Variants in EXOG observed in about 807,000 individuals in gnomAD.
EXOG encodes the protein nuclease EXOG, mitochondrial.
A neutral mutation model predicts 25.8 loss-of-function variants in EXOG; 27 were observed. The observed-to-expected ratio is 1.05, with a 90% confidence interval of 0.77 to 1.45. The LOEUF is 1.45. Among genes scored for constraint, EXOG ranks in the 40% most tolerant of loss-of-function variants. The pLI is 0.00. For missense variants in EXOG, 458 were observed against 450.5 expected (o/e 1.02, Z -0.15); for synonymous variants, 133 against 167.0 (o/e 0.80, Z 1.57).
At chr3:38,522,360 G>A (rs1490905501) in intron 5 of EXOG, among the ~76,000 whole-genome samples, 1 of 152,202 alleles carries the variant, frequency 6.6e-6, no homozygotes, top group Non-Finnish European at 1.5e-5. Flanking sequence ...TGTCTGATCA[G>A]GAAAGAAAAC....
chr3:38,498,307 TA>T (rs1185984979), intron 2 of EXOG, among the ~76,000 whole-genome samples: 1 of 152,194 alleles, frequency 6.6e-6, no homozygotes, highest in Non-Finnish European at 1.5e-5. Flanking sequence ...CTCACACCTG[TA>T]ATCCCAGTAC....
At position 38,524,530 on chromosome 3, in the gene EXOG, A is replaced by G. The variant is rs1055037238; in HGVS notation, c.*168A>G. ...GAGTGCAGTGGTGGAATCATAGCTC[A>G]CTATAGCCTCAAACTTCTGGGCTTA... On this transcript the variant is annotated 3_prime_UTR_variant, in exon 6 of 6. Coordinates refer to ENST00000287675, the MANE Select transcript of EXOG (RefSeq NM_005107.4). The G allele has an allele frequency of 3.8e-6, 5 of 1,317,036 alleles. No individual in the cohort carries two copies. The African/African-American group carries it at 7.5e-5, about 20-fold the overall frequency. The allele number at this position is 1,317,036 out of a possible 1,614,324, so 81.6% of individuals were successfully genotyped here. A position where few individuals can be genotyped will look rare whatever the true frequency, so the allele number is the denominator to read the frequency against.
At chr3:38,498,082 G>A (rs1328742398) in intron 2 of EXOG, 9 of 289,218 alleles carry the variant, frequency 3.1e-5, no homozygotes, top group Non-Finnish European at 5.8e-5. Context: ...TGCCTGCTAT[G>A]TGTCTGGCAC....
chr3:38,514,057 G>A (rs891682650), intron 5 of EXOG, among the ~76,000 whole-genome samples: 1 of 152,228 alleles, frequency 6.6e-6, no homozygotes, highest in African/African-American at 2.4e-5. Context: ...TCAAGGAGCA[G>A]TGCTCTGCTC....
intron 1 of EXOG, chr3:38,497,403 A>G: frequency 7.8e-7 from 1 of 1,285,572 alleles, no homozygotes; most frequent in Non-Finnish European, 9.8e-7. Context: ...GCTGCATTTT[A>G]TTCACTGATT....
In EXOG at chr3:38,497,626, T is replaced by TTTTTTTTTTTTTTTTTTTTTTG; in HGVS notation, c.164-3_164-2insTTTTTTTTTTTTTTTTTTTTTG. 1 of 1,561,660 alleles carries TTTTTTTTTTTTTTTTTTTTTTG rather than the reference T, an allele frequency of 6.4e-7. No individual in the cohort carries two copies. The highest frequency in any genetic ancestry group is 1.7e-4 in the Middle Eastern group (1 of 5,772). On this transcript the variant is annotated splice_region_variant and splice_polypyrimidine_tract_variant and intron_variant, in intron 1 of 5. Transcript: ENST00000287675. ...CCCCTTTTTTTTTTTTTTTCATTTT[T>TTTTTTTTTTTTTTTTTTTTTTG]AGGATCTGCAGAAAAGGCTGTCTTG...
rs2059895686 is a variant in EXOG, at chr3:38,496,588, C to T, written c.163+58C>T. ...CCCAGATTTCGGGCTCCGACTCCTA[C>T]CTGGAGTGTGAATGGCAGTCCTTGA... On this transcript the variant is annotated intron_variant, in intron 1 of 5. Coordinates refer to ENST00000287675, the MANE Select transcript of EXOG (RefSeq NM_005107.4). 10 of 1,569,138 alleles carry T rather than the reference C, an allele frequency of 6.4e-6. No homozygotes were observed. In the South Asian group the frequency reaches 9.4e-5, roughly 15 times the overall value.
At chr3:38,520,906 A>G (rs2060697522) in intron 5 of EXOG, among the ~76,000 whole-genome samples, 1 of 152,222 alleles carries the variant, frequency 6.6e-6, no homozygotes, top group Admixed American at 6.5e-5. Flanking sequence ...CTTCCAGTCC[A>G]CCAAACCTCT....
rs772515438 is a variant in EXOG at position 38,524,413 on chromosome 3, C to G, written c.*51C>G. ...GTCTGTAATGAAGCAGGCATGCCCT[C>G]TTTAGGCTAACATATTTTAGTGGCT... On this transcript the variant is annotated 3_prime_UTR_variant, in exon 6 of 6. Coordinates refer to ENST00000287675, the MANE Select transcript of EXOG (RefSeq NM_005107.4). 2.0e-6 allele frequency: 3 copies of G among 1,521,728 alleles called. No homozygotes were observed. Among genetic ancestry groups the G allele is most frequent in the Admixed American group, 4.6e-5 (2 of 43,772 alleles). The allele number at this position is 1,521,728 out of a possible 1,614,324, so 94.3% of individuals were successfully genotyped here.
At chr3:38,497,172 A>ACT (rs2059916295) in intron 1 of EXOG, 1 of 1,007,954 alleles carries the variant, frequency 9.9e-7, no homozygotes, top group Non-Finnish European at 1.2e-6. Flanking sequence ...TAGCAAGAGA[A>ACT]CTACCCCCTT....
chr3:38,500,324 A>G lies in EXOG; in HGVS notation c.314-1031A>G, dbSNP rs144556806. 7.0e-3 allele frequency among the ~76,000 whole-genome samples: 1,065 copies of G among 152,300 alleles called. 8 individuals are homozygous for G. The highest frequency in any genetic ancestry group is 0.025 in the African/African-American group (1,025 of 41,574). ...GTAAATTTATATCTTTTCTCAAGGAAGGTATCTTTTTAGGTCTTTGGAAAT... is the reference window on the plus strand; with the variant it reads ...GTAAATTTATATCTTTTCTCAAGGAGGGTATCTTTTTAGGTCTTTGGAAAT... On this transcript the variant is annotated intron_variant, in intron 2 of 5. Transcript: ENST00000287675.
At chr3:38,516,324 G>A (rs982009982) in intron 5 of EXOG, among the ~76,000 whole-genome samples, 4 of 152,020 alleles carry the variant, frequency 2.6e-5, no homozygotes, top group African/African-American at 9.7e-5. Flanking sequence ...TGCAAAGCAG[G>A]TTAATTTGTT....
At chr3:38,496,675 C>G in intron 1 of EXOG, 145 bp downstream of exon 1, 3 of 1,444,260 alleles carry the variant, frequency 2.1e-6, no homozygotes, top group Non-Finnish European at 2.7e-6. Flanking sequence ...CCTTTATTCT[C>G]CCGGCTCGGC....
chr3:38,498,563 A>AG (rs2059959467), intron 2 of EXOG, among the ~76,000 whole-genome samples: 1 of 152,168 alleles, frequency 6.6e-6, no homozygotes, highest in African/African-American at 2.4e-5. Flanking sequence ...TCAAAAAAAA[A>AG]AAAAAGTGTG....
At chr3:38,515,983 G>A (rs1312025429) in intron 5 of EXOG, among the ~76,000 whole-genome samples, 5 of 152,102 alleles carry the variant, frequency 3.3e-5, no homozygotes, top group Non-Finnish European at 7.4e-5. Flanking sequence ...CCCTTTATTT[G>A]CTAGAGTACT....
rs1448789622 is a variant in EXOG, at chr3:38,523,990, G to A, written c.735G>A (p.Ala245=). 10 of 1,613,844 alleles carry A rather than the reference G, an allele frequency of 6.2e-6. No individual in the cohort carries two copies. Among genetic ancestry groups the A allele is most frequent in the African/African-American group, 2.7e-5 (2 of 74,922 alleles). Residue 245 remains alanine, a synonymous_variant, in exon 6 of 6, where the codon GCG becomes GCA. Coordinates refer to ENST00000287675, the MANE Select transcript of EXOG (RefSeq NM_005107.4). ...GCTCAGTATCTACCGAACCACTGGC[G>A]CTAGGGGCCTTTGTGGTACCCAATG... ...RRSSVSTEPL[A]LGAFVVPNEA... is the part of the protein sequence containing the mutation.
chr3:38,502,280 A>G (rs1020436003), intron 3 of EXOG, among the ~76,000 whole-genome samples: 1 of 152,180 alleles, frequency 6.6e-6, no homozygotes, highest in African/African-American at 2.4e-5. Context: ...CCCAGGCTGG[A>G]GTACAGTGGT....
intron 5 of EXOG, among the ~76,000 whole-genome samples, chr3:38,514,053 A>G (rs1219185120): frequency 2.0e-5 from 3 of 152,214 alleles, no homozygotes; most frequent in Admixed American, 1.3e-4. Flanking sequence ...ACATTCAAGG[A>G]GCAGTGCTCT....
At chr3:38,513,530 G>A (rs1191690287) in intron 5 of EXOG, among the ~76,000 whole-genome samples, 1 of 151,984 alleles carries the variant, frequency 6.6e-6, no homozygotes, top group Non-Finnish European at 1.5e-5. Context: ...AAGGGTGGCA[G>A]TGTATTATAA....
Sources: gnomAD v4.1 joint callset for allele counts (sites outside exome capture counted in the v4.1 genomes callset) on GRCh38, gnomAD v4.1.1 for gene constraint, MANE v1.5 for transcripts, NCBI Gene and HGNC (gene_info 2026-07-23, HGNC 2026-07-21) for gene names.